TTLL9: variants seen among roughly 807,000 people sequenced by gnomAD.
The protein encoded by TTLL9 is tubulin tyrosine ligase like 9.
Under a neutral mutation model 65.6 loss-of-function variants are expected in TTLL9, and 47 were observed. The observed-to-expected ratio is 0.72, with a 90% CI of 0.57 to 0.91. The LOEUF (loss-of-function observed/expected upper bound fraction) is 0.91, where lower values mean the gene tolerates loss of function less well. TTLL9 is among the 40% of genes least tolerant of loss of function. The pLI, the probability that TTLL9 is intolerant of heterozygous loss-of-function variation, is 0.00. For synonymous variants in TTLL9, 179 were observed against 204.8 expected (o/e 0.87, Z 1.07); for missense variants, 537 against 568.8 (o/e 0.94, Z 0.57).
At chr20:31,872,843 TTAAGAGGA>T in intron 2 of TTLL9, among the ~76,000 whole-genome samples, 1 of 152,318 alleles carries the variant, frequency 6.6e-6, no homozygotes, top group East Asian at 1.9e-4. Context: ...ACAGGAGGTG[TTAAGAGGA>T]CGGTTCAGGG....
At chr20:31,872,715 G>A (rs1024584322) in intron 2 of TTLL9, among the ~76,000 whole-genome samples, 8 of 151,970 alleles carry the variant, frequency 5.3e-5, no homozygotes, top group African/African-American at 1.9e-4. Flanking sequence ...TAACACACAC[G>A]AAAAAGAAAA....
In TTLL9 at chr20:31,939,203, A is replaced by G; in HGVS notation, c.1180A>G (p.Ser394Gly). 1 of 1,612,938 alleles carries G rather than the reference A, an allele frequency of 6.2e-7. No individual in the cohort carries two copies. The highest frequency in any genetic ancestry group is 8.5e-7 in the Non-Finnish European group (1 of 1,179,570). ...FDLMWNDGPV[S>G]REEGAPDLSG... ...CCTCATGTGGAATGATGGCCCTGTT[A>G]GCAGAGAGGAGGGGGCTCCTGACCT... Residue 394 changes from serine (S) to glycine (G), a missense_variant, in exon 14 of 15, where the codon AGC becomes GGC. Physicochemically the swap from Ser to Gly is moderately conservative, Grantham distance 56. Transcript: ENST00000535842.
chr20:31,898,270 C>G (rs763384964), intron 3 of TTLL9, among the ~76,000 whole-genome samples: 29 of 152,210 alleles, frequency 1.9e-4, no homozygotes, highest in Non-Finnish European at 3.7e-4. Context: ...ATACAATGAT[C>G]GTTATTTTTC....
At chr20:31,941,253 A>C (rs2064203767) in intron 14 of TTLL9, 1 of 150,474 alleles carries the variant, frequency 6.6e-6, no homozygotes, top group South Asian at 2.1e-4. Flanking sequence ...AAGAAAATAG[A>C]CCCCACCTTT....
chr20:31,882,837 A>G (rs1248321667), intron 2 of TTLL9, among the ~76,000 whole-genome samples: 1 of 152,220 alleles, frequency 6.6e-6, no homozygotes, highest in African/African-American at 2.4e-5. Flanking sequence ...TTTGAACTGT[A>G]TAGCTGACCT....
chr20:31,898,433 TCATTGATCCTGAGCAAA>T (rs2063418183), intron 3 of TTLL9, 23 bp from the exon 4 acceptor site: 1 of 1,586,840 alleles, frequency 6.3e-7, no homozygotes, highest in Non-Finnish European at 8.7e-7. Flanking sequence ...CCTAGGAAAA[TCATTGATCCTGAGCAAA>T]TGTTCATTGC....
chr20:31,904,617 C>A (rs1475231435), intron 4 of TTLL9, among the ~76,000 whole-genome samples: 2 of 152,102 alleles, frequency 1.3e-5, no homozygotes, highest in Non-Finnish European at 2.9e-5. Context: ...CTTGACCTCC[C>A]AATGTGCTGG....
In TTLL9 at chr20:31,906,126, T is replaced by C. The variant is rs538800855; in HGVS notation, c.207-2465T>C. On this transcript the variant is annotated intron_variant, in intron 4 of 14. Coordinates refer to ENST00000535842, the MANE Select transcript of TTLL9 (RefSeq NM_001008409.5). ...ACTGCTTGGCCATTGTTCCAGTTGC[T>C]ATGGCTGTGTAACAAATCCCAAAAC... is the stretch of plus-strand genomic sequence containing the variant. Among the ~76,000 whole-genome samples, 184 of 151,760 alleles carry C rather than the reference T, an allele frequency of 1.2e-3. No homozygotes were observed. The Middle Eastern group carries it at 0.017, about 14-fold the overall frequency.
intron 4 of TTLL9, among the ~76,000 whole-genome samples, chr20:31,905,860 C>A (rs2063548635): frequency 1.3e-5 from 2 of 151,952 alleles, no homozygotes. Context: ...ATGGAGAAAC[C>A]CTGTCTCTAC....
chr20:31,874,563 C>T (rs180951945), intron 2 of TTLL9, among the ~76,000 whole-genome samples: 281 of 152,200 alleles, frequency 1.8e-3, no homozygotes, highest in African/African-American at 5.9e-3. Context: ...AGGTGCCCAC[C>T]CATGCCTGGC....
At chr20:31,883,635 A>G (rs1315756336) in intron 2 of TTLL9, among the ~76,000 whole-genome samples, 1 of 152,188 alleles carries the variant, frequency 6.6e-6, no homozygotes, top group Non-Finnish European at 1.5e-5. Context: ...TGACTCCTAT[A>G]ATGGTCAAAT....
At position 31,909,125 on chromosome 20, in the gene TTLL9, A is replaced by ATT. The variant is rs11476481; in HGVS notation, c.318+449_318+450dup. Among the ~76,000 whole-genome samples, 200 of 79,380 alleles carry ATT rather than the reference A, an allele frequency of 2.5e-3. 13 individuals carry two copies. The highest frequency in any genetic ancestry group is 3.6e-3 in the Non-Finnish European group (154 of 42,278). The allele number at this position is 79,380 out of a possible 152,430, so 52.1% of individuals were successfully genotyped here. A position where few individuals can be genotyped will look rare whatever the true frequency, so the allele number is the denominator to read the frequency against. On this transcript the variant is annotated intron_variant, in intron 5 of 14. Coordinates refer to ENST00000535842, the MANE Select transcript of TTLL9 (RefSeq NM_001008409.5). ...GTGTAGCTTAGCGGTTGAAAGCATG[A>ATT]TTTTTTTTTTTTTTTTTTTTTTTTT...
Position 31,871,149 on chromosome 20 carries a change from T to C in TTLL9, c.23T>C (p.Leu8Pro). The change falls in exon 2 of 15, where the codon CTG (leucine) becomes CCG (proline). Residue 8 changes from leucine (L) to proline (P), a missense_variant. Coordinates refer to ENST00000535842, the MANE Select transcript of TTLL9 (RefSeq NM_001008409.5). ...GGGATGGTGCCATCCAGGGAAGCTC[T>C]GCTGGGACCAGGCACAACTGCCATT... is the stretch of plus-strand genomic sequence containing the variant. MVPSREA[L>P]LGPGTTAIRC... is the part of the protein sequence containing the mutation. 1.9e-6 allele frequency: 3 copies of C among 1,614,172 alleles called. No homozygotes were observed. Among genetic ancestry groups the C allele is most frequent in the Middle Eastern group, 3.3e-4 (2 of 6,062 alleles).
Position 31,870,762 on chromosome 20 carries a change from T to G in TTLL9, c.-193T>G. 1 of 485,638 alleles carries G rather than the reference T, an allele frequency of 2.1e-6. No individual in the cohort carries two copies. The allele number at this position is 485,638 out of a possible 1,614,324, so 30.1% of individuals were successfully genotyped here. ...CGGCAGGCGCGGGCGGATGGGGGGA[T>G]GTCGCCTAGAGCCCCCCGGCCGGCC... On this transcript the variant is annotated 5_prime_UTR_variant, in exon 1 of 15. The change abolishes an upstream ATG in the 5' untranslated region. Coordinates refer to ENST00000535842, the MANE Select transcript of TTLL9 (RefSeq NM_001008409.5). The surrounding 1 kb of genome is among the most constrained non-coding windows in gnomAD (Gnocchi z 6.6).
In TTLL9 at chr20:31,870,826, C is replaced by T; in HGVS notation, c.-129C>T. The T allele has an allele frequency of 3.7e-6, 2 of 534,866 alleles. No individual in the cohort carries two copies. Among genetic ancestry groups the T allele is most frequent in the Non-Finnish European group, 6.5e-6 (2 of 306,208 alleles). 33.1% of individuals were successfully genotyped at this position (534,866 alleles called of 1,614,324 possible). On this transcript the variant is annotated 5_prime_UTR_variant, in exon 1 of 15. Coordinates refer to ENST00000535842, the MANE Select transcript of TTLL9 (RefSeq NM_001008409.5). The surrounding 1 kb of genome is among the most constrained non-coding windows in gnomAD (Gnocchi z 6.6). ...CCCCCTTCCGGCTCTGCCTGGACGT[C>T]CCTGCGGGCCCCGGGGGAAAGCACC...
At chr20:31,872,730 T>C (rs769875277) in intron 2 of TTLL9, among the ~76,000 whole-genome samples, 37 of 148,900 alleles carry the variant, frequency 2.5e-4, no homozygotes, top group Non-Finnish European at 3.9e-4. Context: ...AGAAAAAGAG[T>C]GGAGAGAGTA....
intron 4 of TTLL9, among the ~76,000 whole-genome samples, chr20:31,902,473 C>T (rs935429775): frequency 5.9e-5 from 9 of 152,216 alleles, no homozygotes; most frequent in East Asian, 3.9e-4. Flanking sequence ...CTCTGCCTCC[C>T]GGTTTCATGC....
Position 31,909,883 on chromosome 20 carries a change from G to A in TTLL9, c.465G>A (p.Glu155=), listed in dbSNP as rs1568791129. 6.6e-7 allele frequency: 1 copy of A among 1,513,378 alleles called. No individual in the cohort carries two copies. Among genetic ancestry groups the A allele is most frequent in the East Asian group, 2.7e-5 (1 of 36,910 alleles). The allele number at this position is 1,513,378 out of a possible 1,614,324, so 93.7% of individuals were successfully genotyped here. The stretch of plus-strand genomic sequence containing the variant: ...GCGAGTACCACCTGTTTGTAGAGGA[G>A]TTTCGCAAAAACCCAGGAATCACCT... ...MPCEYHLFVE[E]FRKNPGITWI... is the part of the protein sequence containing the mutation. Residue 155 remains glutamate (E), a synonymous_variant, in exon 6 of 15, where the codon GAG becomes GAA. Transcript: ENST00000535842.
chr20:31,904,258 A>T (rs1290946788), intron 4 of TTLL9, among the ~76,000 whole-genome samples: 1 of 152,156 alleles, frequency 6.6e-6, no homozygotes. Context: ...TTTAAAAATA[A>T]TAAGTATCTT....
Sources: gnomAD v4.1 joint callset for allele counts (sites outside exome capture counted in the v4.1 genomes callset) on GRCh38, gnomAD v4.1.1 for gene constraint, Gnocchi (gnomAD v3.1) non-coding constraint, MANE v1.5 for transcripts, NCBI Gene and HGNC (gene_info 2026-07-23, HGNC 2026-07-21) for gene names.